MAGI2: variants seen among roughly 807,000 people sequenced by gnomAD.
MAGI2 encodes the protein membrane-associated guanylate kinase, WW and PDZ domain-containing protein 2.
In MAGI2, 35 loss-of-function variants were observed where a neutral mutation model predicts 133.3. The observed-to-expected ratio is 0.26, with a 90% CI of 0.20 to 0.35. The LOEUF (loss-of-function observed/expected upper bound fraction) is 0.35, where lower values mean the gene tolerates loss of function less well. Among genes scored for constraint, MAGI2 ranks in the 10% least tolerant of loss-of-function variants. The probability of loss-of-function intolerance (pLI) is 1.00; values close to 1 mark genes in which losing one functional copy is unlikely to be tolerated. For missense variants in MAGI2, 1,636 were observed against 1,863.4 expected (o/e 0.88, Z 2.25); for synonymous variants, 729 against 710.6 (o/e 1.03, Z -0.41).
intron 7 of MAGI2, among the ~76,000 whole-genome samples, chr7:78,353,321 T>G (rs1045596855): frequency 6.6e-6 from 1 of 152,226 alleles, no homozygotes; most frequent in Admixed American, 6.5e-5. Context: ...ATAATTCCAT[T>G]GATTCCTCAG....
intron 2 of MAGI2, among the ~76,000 whole-genome samples, chr7:78,744,287 T>C (rs1822721418): frequency 6.6e-6 from 1 of 152,208 alleles, no homozygotes; most frequent in Non-Finnish European, 1.5e-5. Flanking sequence ...AATAGCAATA[T>C]CATCCTTGTT....
Position 78,627,173 on chromosome 7 carries a change from T to A in MAGI2, c.485A>T (p.Asp162Val). 3 of 1,597,962 alleles carry A rather than the reference T, an allele frequency of 1.9e-6. No homozygotes were observed. Among genetic ancestry groups the A allele is most frequent in the Non-Finnish European group, 2.6e-6 (3 of 1,172,414 alleles). ...GVDYIFITVE[D>V]FMELEKSGAL... ...ACCACTTTTCTCCAATTCCATAAAA[T>A]CTTCAACAGTGATGAAAATATAATC... The change falls in exon 3 of 22, where the codon GAT (aspartate) becomes GTT (valine). Residue 162 changes from aspartate to valine, a missense_variant. This residue lies in a region of MAGI2 where 148 missense variants were observed against 239.0 expected (regional missense o/e 0.62). Transcript: ENST00000354212.
chr7:78,685,662 G>GTA (rs1366382429), intron 2 of MAGI2, among the ~76,000 whole-genome samples: 4 of 151,936 alleles, frequency 2.6e-5, no homozygotes, highest in East Asian at 1.9e-4. Context: ...GTGTGTGTGT[G>GTA]TGTGTATATA....
chr7:79,153,375 C>A (rs1315505456), intron 1 of MAGI2, among the ~76,000 whole-genome samples: 1 of 152,100 alleles, frequency 6.6e-6, no homozygotes, highest in African/African-American at 2.4e-5. Flanking sequence ...GTTAATCTAG[C>A]AGGGTGCAGG....
chr7:78,768,931 C>T (rs1014191707), intron 2 of MAGI2, among the ~76,000 whole-genome samples: 6 of 152,126 alleles, frequency 3.9e-5, no homozygotes, highest in Non-Finnish European at 7.3e-5. Context: ...TTCGCACACC[C>T]CCAAACAACA....
chr7:78,669,557 C>T (rs1585033643), intron 2 of MAGI2, among the ~76,000 whole-genome samples: 1 of 152,214 alleles, frequency 6.6e-6, no homozygotes, highest in South Asian at 2.1e-4. Flanking sequence ...GGGAATCCTC[C>T]CTAACTCATT....
intron 1 of MAGI2, among the ~76,000 whole-genome samples, chr7:79,151,720 A>T (rs1823264670): frequency 6.6e-6 from 1 of 152,206 alleles, no homozygotes; most frequent in South Asian, 2.1e-4. Flanking sequence ...GGTAAATTTG[A>T]TAGAAAAGTA....
intron 20 of MAGI2, among the ~76,000 whole-genome samples, chr7:78,100,228 C>T (rs781453548): frequency 1.3e-5 from 2 of 152,140 alleles, no homozygotes; most frequent in African/African-American, 2.4e-5. Context: ...TGTCACCATC[C>T]CAACTCCTAC....
intron 1 of MAGI2, among the ~76,000 whole-genome samples, chr7:79,209,884 G>T (rs373797961): frequency 1.3e-5 from 2 of 151,764 alleles, no homozygotes; most frequent in Non-Finnish European, 2.9e-5. Context: ...AGCATATCCT[G>T]GTACCACATA....
intron 9 of MAGI2, among the ~76,000 whole-genome samples, chr7:78,291,548 T>C (rs1296369627): frequency 6.6e-6 from 1 of 151,984 alleles, no homozygotes; most frequent in Non-Finnish European, 1.5e-5. Context: ...TTCCAATCAA[T>C]AGAAAAAGAG....
chr7:78,652,944 A>C (rs540092865), intron 2 of MAGI2, among the ~76,000 whole-genome samples: 6 of 152,248 alleles, frequency 3.9e-5, no homozygotes, highest in African/African-American at 1.4e-4. Flanking sequence ...ACAAGGGAAA[A>C]AAAAAACACC....
intron 2 of MAGI2, among the ~76,000 whole-genome samples, chr7:78,696,771 A>T (rs1817557263): frequency 6.6e-6 from 1 of 152,192 alleles, no homozygotes; most frequent in Admixed American, 6.5e-5. Flanking sequence ...CAGGCAAACC[A>T]CCATTCAGGA....
In MAGI2 at chr7:78,975,019, C is replaced by A. The variant is rs191753246; in HGVS notation, c.418+32071G>T. Among the ~76,000 whole-genome samples, 308 of 151,626 alleles carry A rather than the reference C, an allele frequency of 2.0e-3. 1 individual carries two copies. The highest frequency in any genetic ancestry group is 0.014 in the Middle Eastern group (4 of 294). ...GTGTATGTACCTAACCAAAGGCCAT[C>A]AAAATATATGAGACAAAAATTAATA... On this transcript the variant is annotated intron_variant, in intron 2 of 21. Transcript: ENST00000354212.
chr7:78,743,915 T>C (rs971182531), intron 2 of MAGI2, among the ~76,000 whole-genome samples: 4 of 152,198 alleles, frequency 2.6e-5, no homozygotes, highest in Non-Finnish European at 5.9e-5. Flanking sequence ...ATCTGAAACT[T>C]TGAAGCCCCT....
At chr7:78,335,733 TG>T (rs1447315196) in intron 9 of MAGI2, among the ~76,000 whole-genome samples, 1 of 152,108 alleles carries the variant, frequency 6.6e-6, no homozygotes, top group Non-Finnish European at 1.5e-5. Flanking sequence ...ATGACACTTT[TG>T]GGGGAAAATA....
At chr7:79,138,146 C>T (rs184823390) in intron 1 of MAGI2, among the ~76,000 whole-genome samples, 21 of 152,222 alleles carry the variant, frequency 1.4e-4, no homozygotes, top group Admixed American at 1.3e-3. Context: ...GACTCATTTC[C>T]GACTTCTGAC....
Position 79,431,040 on chromosome 7 carries a change from T to C in MAGI2, c.301+21980A>G, listed in dbSNP as rs111604476. 8.7e-3 allele frequency among the ~76,000 whole-genome samples: 1,326 copies of C among 152,298 alleles called. 9 individuals are homozygous for C. The highest frequency in any genetic ancestry group is 0.011 in the Non-Finnish European group (780 of 68,016). On this transcript the variant is annotated intron_variant, in intron 1 of 21. Coordinates refer to ENST00000354212, the MANE Select transcript of MAGI2 (RefSeq NM_012301.4). Reference sequence around the variant, plus strand: ...CTTTCTATATTTGCTTTTGCCAAACTTCACTCAGGCTGGAAATAATCATAA... The same window carrying C: ...CTTTCTATATTTGCTTTTGCCAAACCTCACTCAGGCTGGAAATAATCATAA...
chr7:78,571,153 T>C lies in MAGI2; in HGVS notation c.539-49508A>G, dbSNP rs778185593. Among the ~76,000 whole-genome samples, 47 of 152,312 alleles carry C rather than the reference T, an allele frequency of 3.1e-4. 1 individual carries two copies. Among genetic ancestry groups the C allele is most frequent in the Non-Finnish European group, 5.6e-4 (38 of 68,008 alleles). ...TCCCTGGTGTGTATTGGAATTATCA[T>C]CACCTTCATTCTCCAACATGCAAAT... On this transcript the variant is annotated intron_variant, in intron 3 of 21. Coordinates refer to ENST00000354212, the MANE Select transcript of MAGI2 (RefSeq NM_012301.4).
chr7:79,011,749 GT>G (rs1808121080), intron 1 of MAGI2, among the ~76,000 whole-genome samples: 1 of 152,036 alleles, frequency 6.6e-6, no homozygotes, highest in Non-Finnish European at 1.5e-5. Context: ...ATTTATTTTT[GT>G]TTGTTTTTCA....
Sources: allele counts gnomAD v4.1 joint callset (sites outside exome capture counted in the v4.1 genomes callset), GRCh38; gene constraint gnomAD v4.1.1; regional missense constraint gnomAD v4.1.1; transcripts MANE v1.5; gene names NCBI Gene and HGNC (gene_info 2026-07-23, HGNC 2026-07-21).